The following SDK1 variants were observed in gnomAD, a reference collection of about 807,000 sequenced individuals.
SDK1 encodes the protein protein sidekick-1.
Under a neutral mutation model 245.5 loss-of-function variants are expected in SDK1, and 157 were observed. The ratio of observed to expected loss-of-function variants is 0.64; its 90% CI spans 0.56 to 0.73. SDK1 has a LOEUF of 0.73. Among genes scored for constraint, SDK1 ranks in the 30% least tolerant of loss-of-function variants. The pLI is 0.00. For missense variants in SDK1, 3,583 were observed against 3,002.3 expected (o/e 1.19, Z -4.52); for synonymous variants, 1,647 against 1,278.5 (o/e 1.29, Z -6.15).
chr7:3,516,245 T>C (rs914469152), intron 1 of SDK1, among the ~76,000 whole-genome samples: 2 of 151,830 alleles, frequency 1.3e-5, no homozygotes, highest in African/African-American at 4.8e-5. Context: ...GATATATACA[T>C]AGTATGTATA....
chr7:4,052,181 G>A (rs562370087), intron 19 of SDK1, among the ~76,000 whole-genome samples: 56 of 25,384 alleles, frequency 2.2e-3, no homozygotes, highest in African/African-American at 5.5e-3. Flanking sequence ...CCCCCCCCCC[G>A]ACGTCCCCCA....
intron 22 of SDK1, among the ~76,000 whole-genome samples, chr7:4,093,005 G>A (rs1411653641): frequency 6.6e-6 from 1 of 152,104 alleles, no homozygotes; most frequent in Non-Finnish European, 1.5e-5. Flanking sequence ...CACCAAGAAG[G>A]TTTTATTACT....
intron 34 of SDK1, among the ~76,000 whole-genome samples, chr7:4,176,516 C>T (rs1584374471): frequency 6.6e-6 from 1 of 152,180 alleles, no homozygotes; most frequent in African/African-American, 2.4e-5. Context: ...AATGGACCTT[C>T]TTAACCATTT....
chr7:4,163,741 A>G (rs1353544594), intron 32 of SDK1, among the ~76,000 whole-genome samples: 1 of 152,146 alleles, frequency 6.6e-6, no homozygotes, highest in Non-Finnish European at 1.5e-5. Context: ...TAGAGATGCC[A>G]GAGAGGAACC....
In SDK1 at chr7:3,485,652, A is replaced by G. The variant is rs564653858; in HGVS notation, c.299-133428A>G. Among the ~76,000 whole-genome samples, 9 of 81,526 alleles carry G rather than the reference A, an allele frequency of 1.1e-4. No individual in the cohort carries two copies. The Admixed American group carries it at 1.1e-3, about 10-fold the overall frequency. The allele number at this position is 81,526 out of a possible 152,430, so 53.5% of individuals were successfully genotyped here. A position where few individuals can be genotyped will look rare whatever the true frequency, so the allele number is the denominator to read the frequency against. On this transcript the variant is annotated intron_variant, in intron 1 of 44. Coordinates refer to ENST00000404826, the MANE Select transcript of SDK1 (RefSeq NM_152744.4). ...CTTGTATGGATAGTTGTTCATTTTGATGTTTGTGCTGAGGGGATGATCTTT... is the reference window on the plus strand; with the variant it reads ...CTTGTATGGATAGTTGTTCATTTTGGTGTTTGTGCTGAGGGGATGATCTTT...
chr7:3,559,720 G>T (rs10227151), intron 1 of SDK1, among the ~76,000 whole-genome samples: 1 of 148,272 alleles, frequency 6.7e-6, no homozygotes, highest in South Asian at 2.1e-4. Flanking sequence ...TCAAGGTAAC[G>T]CTGTAAAGTA....
At chr7:3,495,697 A>G (rs994583433) in intron 1 of SDK1, among the ~76,000 whole-genome samples, 1 of 152,230 alleles carries the variant, frequency 6.6e-6, no homozygotes, top group African/African-American at 2.4e-5. Context: ...TTCCTGCGTC[A>G]GTCTTCAGTG....
intron 5 of SDK1, among the ~76,000 whole-genome samples, chr7:3,938,416 G>C (rs1352171766): frequency 6.6e-6 from 1 of 152,088 alleles, no homozygotes; most frequent in African/African-American, 2.4e-5. Flanking sequence ...GCCGAGGCGG[G>C]AGGATCACAA....
chr7:3,705,973 T>C (rs1465634001), intron 4 of SDK1, among the ~76,000 whole-genome samples: 4 of 152,192 alleles, frequency 2.6e-5, no homozygotes, highest in Non-Finnish European at 5.9e-5. Context: ...GTTTTTATAA[T>C]AAAGGGATGC....
At chr7:3,466,150 G>A (rs1254217382) in intron 1 of SDK1, among the ~76,000 whole-genome samples, 1 of 151,786 alleles carries the variant, frequency 6.6e-6, no homozygotes, top group Non-Finnish European at 1.5e-5. Flanking sequence ...AGCCATGACC[G>A]AGCACCTGAA....
At chr7:3,779,759 C>T (rs28587155) in intron 4 of SDK1, among the ~76,000 whole-genome samples, 12 of 151,660 alleles carry the variant, frequency 7.9e-5, no homozygotes, top group South Asian at 2.1e-4. Flanking sequence ...GGTGAAACCC[C>T]GTCTCTACTG....
At chr7:4,172,760 C>T (rs865975832) in intron 32 of SDK1, among the ~76,000 whole-genome samples, 7 of 152,226 alleles carry the variant, frequency 4.6e-5, no homozygotes, top group Non-Finnish European at 8.8e-5. Context: ...TTCCGGTGGC[C>T]GATGACAACT....
At chr7:3,465,846 C>G (rs1156629667) in intron 1 of SDK1, among the ~76,000 whole-genome samples, 13 of 152,152 alleles carry the variant, frequency 8.5e-5, no homozygotes, top group Admixed American at 8.5e-4. Flanking sequence ...GTCTAACACT[C>G]CAAGCAGCCA....
chr7:3,813,619 A>G (rs1416420021), intron 4 of SDK1, among the ~76,000 whole-genome samples: 1 of 149,004 alleles, frequency 6.7e-6, no homozygotes, highest in African/African-American at 2.5e-5. Context: ...TCATTTGGGT[A>G]TATACCCAGT....
intron 1 of SDK1, among the ~76,000 whole-genome samples, chr7:3,520,395 A>G (rs1424060978): frequency 6.6e-6 from 1 of 152,162 alleles, no homozygotes; most frequent in Non-Finnish European, 1.5e-5. Flanking sequence ...TTGTTAGTAT[A>G]GTGCTAATGA....
chr7:3,509,417 G>A (rs1782503613), intron 1 of SDK1, among the ~76,000 whole-genome samples: 1 of 152,160 alleles, frequency 6.6e-6, no homozygotes. Context: ...TCAGTTGTAA[G>A]ACAGGGTAAT....
rs1783287665 is a variant in SDK1 at position 4,110,752 on chromosome 7, C to T, written c.3414C>T (p.Leu1138=). ...CCCAGATGCTGGAGATCCCAAACCTCACACCCTACACTCACTACAGGTGAG... is the reference window on the plus strand; with the variant it reads ...CCCAGATGCTGGAGATCCCAAACCTTACACCCTACACTCACTACAGGTGAG... ...PDAQMLEIPN[L]TPYTHYRFRM... Residue 1138 remains leucine (L), a synonymous_variant, in exon 23 of 45, where the codon CTC becomes CTT. Coordinates refer to ENST00000404826, the MANE Select transcript of SDK1 (RefSeq NM_152744.4). 1.2e-6 allele frequency: 2 copies of T among 1,611,884 alleles called. No homozygotes were observed. Among genetic ancestry groups the T allele is most frequent in the Non-Finnish European group, 8.5e-7 (1 of 1,178,038 alleles).
chr7:3,874,461 G>GC (rs1255209781), intron 5 of SDK1, among the ~76,000 whole-genome samples: 4 of 152,078 alleles, frequency 2.6e-5, no homozygotes, highest in African/African-American at 9.7e-5. Flanking sequence ...TTCTGATTAA[G>GC]CCTCAGGCTT....
At chr7:3,897,381 G>A (rs937750639) in intron 5 of SDK1, among the ~76,000 whole-genome samples, 3 of 152,002 alleles carry the variant, frequency 2.0e-5, no homozygotes, top group African/African-American at 4.8e-5. Flanking sequence ...CCCAGCCCCT[G>A]GCACCCACCA....
Sources: gnomAD v4.1 joint callset for allele counts (sites outside exome capture counted in the v4.1 genomes callset) on GRCh38, gnomAD v4.1.1 for gene constraint, MANE v1.5 for transcripts, NCBI Gene and HGNC (gene_info 2026-07-23, HGNC 2026-07-21) for gene names.